The following CIBAR1 variants were observed in gnomAD, a reference collection of about 807,000 sequenced individuals.
The protein encoded by CIBAR1 is CBY1-interacting BAR domain-containing protein 1.
Under a neutral mutation model 44.0 loss-of-function variants are expected in CIBAR1, and 25 were observed. That is an observed-to-expected ratio of 0.57 (90% CI 0.41 to 0.79). The LOEUF (loss-of-function observed/expected upper bound fraction) is 0.79, where lower values mean the gene tolerates loss of function less well. Among genes scored for constraint, CIBAR1 ranks in the 30% least tolerant of loss-of-function variants. The pLI, the probability that CIBAR1 is intolerant of heterozygous loss-of-function variation, is 0.00. For synonymous variants in CIBAR1, 115 were observed against 119.0 expected (o/e 0.97, Z 0.22); for missense variants, 278 against 344.8 (o/e 0.81, Z 1.53).
chr8:93,716,431 TTG>T (rs2130345411), intron 6 of CIBAR1, among the ~76,000 whole-genome samples: 1 of 152,104 alleles, frequency 6.6e-6, no homozygotes, highest in South Asian at 2.1e-4. Context: ...TCAGTATCAT[TTG>T]TGTTATTACT....
At chr8:93,700,765 G>A in intron 1 of CIBAR1, 92 bp downstream of exon 1, 3 of 1,387,146 alleles carry the variant, frequency 2.2e-6, no homozygotes, top group Non-Finnish European at 2.8e-6. Flanking sequence ...CCTCTGCGCC[G>A]AATTCCGACC....
rs778594099 is a variant in CIBAR1 at position 93,728,155 on chromosome 8, T to A, written c.778-50T>A. The A allele has an allele frequency of 1.8e-4, 218 of 1,204,422 alleles. 3 individuals carry two copies. In the Middle Eastern group the frequency reaches 5.1e-3, roughly 28 times the overall value. 74.6% of individuals were successfully genotyped at this position (1,204,422 alleles called of 1,614,324 possible). ...ATAAAAATATACCAAGAATGTAAAATTTTTTTAAGTTAGTATTTTTATTTT... is the reference window on the plus strand; with the variant it reads ...ATAAAAATATACCAAGAATGTAAAAATTTTTTAAGTTAGTATTTTTATTTT... On this transcript the variant is annotated intron_variant, in intron 8 of 8. Coordinates refer to ENST00000518322, the MANE Select transcript of CIBAR1 (RefSeq NM_145269.5).
At chr8:93,713,916 T>C (rs540295713) in intron 6 of CIBAR1, among the ~76,000 whole-genome samples, 3 of 152,338 alleles carry the variant, frequency 2.0e-5, no homozygotes, top group Admixed American at 6.5e-5. Context: ...CTTTGTACTT[T>C]CTTCTTTTTT....
At chr8:93,708,120 C>T (rs1248760339) in intron 5 of CIBAR1, 104 bp downstream of exon 5, 1 of 781,930 alleles carries the variant, frequency 1.3e-6, no homozygotes. Context: ...AGCTAAATGT[C>T]ACAGTATTAC....
intron 7 of CIBAR1, among the ~76,000 whole-genome samples, chr8:93,720,528 C>G (rs1811223212): frequency 2.0e-5 from 3 of 152,158 alleles, no homozygotes. Context: ...CCAAACACTA[C>G]AGCTAAGGTT....
At position 93,728,808 on chromosome 8, in the gene CIBAR1, G is replaced by C. The variant is rs2130406452; in HGVS notation, c.*511G>C. On this transcript the variant is annotated 3_prime_UTR_variant, in exon 9 of 9. Coordinates refer to ENST00000518322, the MANE Select transcript of CIBAR1 (RefSeq NM_145269.5). ...TTTTCAAGAAGAGTATAACCAAAGA[G>C]TAAAGATAATGTGACACTAAGTTAT... is the stretch of plus-strand genomic sequence containing the variant. 6.6e-6 allele frequency: 1 copy of C among 152,116 alleles called. No individual in the cohort carries two copies. The highest frequency in any genetic ancestry group is 1.5e-5 in the Non-Finnish European group (1 of 67,932). The allele number at this position is 152,116 out of a possible 1,614,324, so 9.4% of individuals were successfully genotyped here.
At chr8:93,716,997 A>C (rs1392345712) in intron 6 of CIBAR1, among the ~76,000 whole-genome samples, 1 of 152,182 alleles carries the variant, frequency 6.6e-6, no homozygotes, top group Non-Finnish European at 1.5e-5. Flanking sequence ...TAGTCATTAC[A>C]TCCAATTTAG....
At chr8:93,702,127 G>T (rs1810386296) in intron 2 of CIBAR1, 1 of 300,372 alleles carries the variant, frequency 3.3e-6, no homozygotes, top group Admixed American at 4.4e-5. Context: ...ATCAGAAGTT[G>T]CCCAGTTAGA....
At chr8:93,728,080 T>G (rs1197865283) in intron 8 of CIBAR1, 125 bp from the exon 9 acceptor site, 16 of 486,972 alleles carry the variant, frequency 3.3e-5, no homozygotes, top group South Asian at 1.4e-4. Context: ...CTACTAAAAA[T>G]TATGACATGG....
intron 2 of CIBAR1, chr8:93,702,580 A>C (rs1401377332): frequency 2.2e-6 from 1 of 455,398 alleles, no homozygotes; most frequent in African/African-American, 2.0e-5. Flanking sequence ...AAAGACTTAG[A>C]TAATCCTTAA....
intron 6 of CIBAR1, among the ~76,000 whole-genome samples, chr8:93,713,467 GTGTCTT>G (rs1810913737): frequency 1.3e-5 from 2 of 152,128 alleles, no homozygotes; most frequent in African/African-American, 4.8e-5. Context: ...TTTCTTGATA[GTGTCTT>G]TGAAGCACAG....
At chr8:93,701,537 T>G (rs913903121) in intron 2 of CIBAR1, 79 bp downstream of exon 2, 17 of 1,228,216 alleles carry the variant, frequency 1.4e-5, no homozygotes, top group African/African-American at 1.3e-4. Context: ...AACTTTCACT[T>G]GTAATCTACC....
intron 5 of CIBAR1, 78 bp downstream of exon 5, chr8:93,708,094 TGAAAAAGAAAGCAAAA>T: frequency 1.7e-6 from 2 of 1,185,772 alleles, no homozygotes; most frequent in Non-Finnish European, 2.3e-6. Flanking sequence ...TACATTTTCT[TGAAAAAGAAAGCAAAA>T]GCTAAATGTC....
At position 93,729,153 on chromosome 8, in the gene CIBAR1, G is replaced by C. The variant is rs1332192505; in HGVS notation, c.*856G>C. 6.6e-6 allele frequency: 1 copy of C among 151,908 alleles called. No homozygotes were observed. The highest frequency in any genetic ancestry group is 2.1e-4 in the South Asian group (1 of 4,822). 9.4% of individuals were successfully genotyped at this position (151,908 alleles called of 1,614,324 possible). The stretch of plus-strand genomic sequence containing the variant: ...AATACTTTTATTTCATGGATCCCAG[G>C]CAGGCATATAAAAGTTACGGAATTT... On this transcript the variant is annotated 3_prime_UTR_variant, in exon 9 of 9. Coordinates refer to ENST00000518322, the MANE Select transcript of CIBAR1 (RefSeq NM_145269.5).
intron 6 of CIBAR1, among the ~76,000 whole-genome samples, chr8:93,713,105 T>C (rs1810898233): frequency 6.9e-6 from 1 of 145,952 alleles, no homozygotes; most frequent in Admixed American, 7.2e-5. Flanking sequence ...CGATCTCGGC[T>C]CACTGCAACC....
chr8:93,703,729 G>A (rs1314257582), intron 3 of CIBAR1, 41 bp downstream of exon 3: 21 of 1,470,856 alleles, frequency 1.4e-5, no homozygotes, highest in African/African-American at 2.8e-5. Flanking sequence ...GAGTTACTCT[G>A]GCAAAGACTA....
chr8:93,709,173 A>G (rs1810721406), intron 5 of CIBAR1, among the ~76,000 whole-genome samples: 1 of 152,096 alleles, frequency 6.6e-6, no homozygotes, highest in Non-Finnish European at 1.5e-5. Flanking sequence ...CTAGCTACTC[A>G]GGAGGCTGAG....
At chr8:93,714,040 T>C (rs1810937697) in intron 6 of CIBAR1, among the ~76,000 whole-genome samples, 2 of 152,246 alleles carry the variant, frequency 1.3e-5, no homozygotes, top group South Asian at 2.1e-4. Flanking sequence ...GTATCAAATA[T>C]GTAGATCAAT....
intron 6 of CIBAR1, among the ~76,000 whole-genome samples, chr8:93,712,219 C>G (rs1312637775): frequency 6.6e-6 from 1 of 152,132 alleles, no homozygotes; most frequent in African/African-American, 2.4e-5. Flanking sequence ...AGCTTTTGCC[C>G]CCCTGCCTGC....
Sources: allele counts gnomAD v4.1 joint callset (sites outside exome capture counted in the v4.1 genomes callset), GRCh38; gene constraint gnomAD v4.1.1; transcripts MANE v1.5; gene names NCBI Gene and HGNC (gene_info 2026-07-23, HGNC 2026-07-21).